Variants in PARD3 observed in about 807,000 individuals in gnomAD.
The protein encoded by PARD3 is par-3 family cell polarity regulator, also known as partitioning defective 3 homolog.
In PARD3, 75 loss-of-function variants were observed where a neutral mutation model predicts 155.4. The observed-to-expected ratio is 0.48, with a 90% confidence interval of 0.40 to 0.58. PARD3 has a LOEUF of 0.58. Among genes scored for constraint, PARD3 ranks in the 20% least tolerant of loss-of-function variants. PARD3 has a pLI of 0.00. For missense variants in PARD3, 1,642 were observed against 1,721.7 expected (o/e 0.95, Z 0.82); for synonymous variants, 576 against 610.5 (o/e 0.94, Z 0.83).
At chr10:34,458,862 C>T (rs1171074314) in intron 4 of PARD3, among the ~76,000 whole-genome samples, 1 of 152,192 alleles carries the variant, frequency 6.6e-6, no homozygotes, top group African/African-American at 2.4e-5. Context: ...CCCCTGAATT[C>T]CCCTAGAGCC....
intron 2 of PARD3, among the ~76,000 whole-genome samples, chr10:34,643,847 G>A (rs528786309): frequency 6.6e-6 from 1 of 152,286 alleles, no homozygotes; most frequent in East Asian, 1.9e-4. Flanking sequence ...AGCCCAGCAG[G>A]TGGAGGCTGC....
chr10:34,517,792 G>A (rs1269932379), intron 2 of PARD3, among the ~76,000 whole-genome samples: 1 of 152,176 alleles, frequency 6.6e-6, no homozygotes, highest in South Asian at 2.1e-4. Flanking sequence ...GTCAGAAACA[G>A]AAGTTACAGA....
chr10:34,172,648 G>A (rs1564453592), intron 22 of PARD3, among the ~76,000 whole-genome samples: 1 of 151,646 alleles, frequency 6.6e-6, no homozygotes, highest in Non-Finnish European at 1.5e-5. Context: ...CATGCTGTAT[G>A]TCACAACTCA....
In PARD3 at chr10:34,717,980, CCT is replaced by C. The variant is rs564791439; in HGVS notation, c.121-21563_121-21562del. ...ACCACCCTGGGCAACATGGTAAAGC[CCT>C]GTCTCTACTAAAATACAAAAAATTA... On this transcript the variant is annotated intron_variant, in intron 1 of 24. Coordinates refer to ENST00000374788, the MANE Select transcript of PARD3 (RefSeq NM_001184785.2). Among the ~76,000 whole-genome samples the C allele has an allele frequency of 7.8e-3, 1,190 of 151,928 alleles. 15 individuals carry two copies. The highest frequency in any genetic ancestry group is 0.028 in the African/African-American group (1,141 of 41,428).
Position 34,721,978 on chromosome 10 carries a change from G to C in PARD3, c.121-25559C>G, listed in dbSNP as rs547172785. Among the ~76,000 whole-genome samples, 7 of 152,240 alleles carry C rather than the reference G, an allele frequency of 4.6e-5. No homozygotes were observed. In the East Asian group the frequency reaches 1.4e-3, roughly 29 times the overall value. On this transcript the variant is annotated intron_variant, in intron 1 of 24. Coordinates refer to ENST00000374788, the MANE Select transcript of PARD3 (RefSeq NM_001184785.2). The stretch of plus-strand genomic sequence containing the variant: ...AGATCGCTTGAGTCCAGGAGTTCAA[G>C]ACCAGCCTGGGCAACATGGTGAGAT...
intron 2 of PARD3, among the ~76,000 whole-genome samples, chr10:34,564,953 G>A (rs2085802340): frequency 6.6e-6 from 1 of 151,960 alleles, no homozygotes; most frequent in Admixed American, 6.6e-5. Flanking sequence ...TTTAGAGATG[G>A]GTAAACTGAG....
chr10:34,660,847 A>G (rs774385031), intron 2 of PARD3, among the ~76,000 whole-genome samples: 1 of 152,170 alleles, frequency 6.6e-6, no homozygotes, highest in Non-Finnish European at 1.5e-5. Flanking sequence ...CCAGACTGGA[A>G]AATTATTTTA....
intron 22 of PARD3, among the ~76,000 whole-genome samples, chr10:34,134,257 G>A (rs898485391): frequency 6.6e-6 from 1 of 152,166 alleles, no homozygotes; most frequent in African/African-American, 2.4e-5. Context: ...GGGCATTCCC[G>A]AATCTCACTG....
intron 17 of PARD3, 33 bp downstream of exon 17, chr10:34,337,242 A>C (rs1836287262): frequency 7.2e-7 from 1 of 1,391,626 alleles, no homozygotes; most frequent in East Asian, 2.6e-5. Flanking sequence ...TTTAAAACTT[A>C]TTTAGATAAA....
intron 2 of PARD3, among the ~76,000 whole-genome samples, chr10:34,604,044 AAGTG>A (rs2090015860): frequency 6.6e-6 from 1 of 152,180 alleles, no homozygotes; most frequent in African/African-American, 2.4e-5. Flanking sequence ...TCCTCTTAAG[AAGTG>A]AGTAAATCCC....
intron 2 of PARD3, among the ~76,000 whole-genome samples, chr10:34,634,672 C>T (rs540598490): frequency 6.6e-6 from 1 of 152,122 alleles, no homozygotes; most frequent in South Asian, 2.1e-4. Flanking sequence ...CAACTGAAAA[C>T]AAAAGTACCT....
At chr10:34,604,570 TTATATA>T (rs758435029) in intron 2 of PARD3, among the ~76,000 whole-genome samples, 3 of 147,992 alleles carry the variant, frequency 2.0e-5, no homozygotes, top group Non-Finnish European at 3.0e-5. Flanking sequence ...TCTCCTTTAT[TTATATA>T]TATATAAAGA....
At chr10:34,765,756 G>A (rs894491818) in intron 1 of PARD3, among the ~76,000 whole-genome samples, 1 of 152,256 alleles carries the variant, frequency 6.6e-6, no homozygotes. Context: ...TTTCTCAGAG[G>A]AGAAGGAAGA....
chr10:34,693,527 A>C (rs966640170), intron 2 of PARD3, among the ~76,000 whole-genome samples: 3 of 152,160 alleles, frequency 2.0e-5, no homozygotes, highest in Admixed American at 6.5e-5. Flanking sequence ...GCATGATCTC[A>C]CGTGGACATA....
At chr10:34,368,861 A>AAAG (rs1840270092) in intron 12 of PARD3, among the ~76,000 whole-genome samples, 1 of 150,018 alleles carries the variant, frequency 6.7e-6, no homozygotes, top group African/African-American at 2.5e-5. Context: ...AAAAAAAAAA[A>AAAG]TCAACAAGAT....
At chr10:34,179,239 G>T (rs2133181940) in intron 22 of PARD3, among the ~76,000 whole-genome samples, 1 of 152,124 alleles carries the variant, frequency 6.6e-6, no homozygotes, top group African/African-American at 2.4e-5. Context: ...TTTATTGCAG[G>T]TCACAGAGGC....
rs1841978136 is a variant in PARD3 at position 34,382,710 on chromosome 10, T to C, written c.1229A>G (p.His410Arg). 1 of 1,614,036 alleles carries C rather than the reference T, an allele frequency of 6.2e-7. No homozygotes were observed. Among genetic ancestry groups the C allele is most frequent in the Non-Finnish European group, 8.5e-7 (1 of 1,180,036 alleles). ...GTGAGAGTCTATCTGCTCAGGCGGG[T>C]GGTTCAGTCGGGGTGCTCTCTGCAC... ...HTVQRAPRLN[H>R]PPEQIDSHSR... The change falls in exon 9 of 25, where the codon CAC (histidine) becomes CGC (arginine). Residue 410 changes from histidine (H) to arginine (R), a missense_variant. Physicochemically the swap from His to Arg is conservative, Grantham distance 29. Coordinates refer to ENST00000374788, the MANE Select transcript of PARD3 (RefSeq NM_001184785.2).
intron 1 of PARD3, among the ~76,000 whole-genome samples, chr10:34,808,406 T>C (rs772237973): frequency 4.6e-5 from 7 of 152,168 alleles, no homozygotes; most frequent in Non-Finnish European, 1.0e-4. Flanking sequence ...GAACTCGGCA[T>C]TTATTTTGAT....
At chr10:34,683,617 T>G (rs532839304) in intron 2 of PARD3, among the ~76,000 whole-genome samples, 3 of 151,254 alleles carry the variant, frequency 2.0e-5, no homozygotes, top group Non-Finnish European at 4.4e-5. Context: ...GGGATTGGTG[T>G]AACAGAAAGA....
Sources: allele counts gnomAD v4.1 joint callset (sites outside exome capture counted in the v4.1 genomes callset), GRCh38; gene constraint gnomAD v4.1.1; transcripts MANE v1.5; gene names NCBI Gene and HGNC (gene_info 2026-07-23, HGNC 2026-07-21).